The following CFAP61 variants were observed in gnomAD, a reference collection of about 807,000 sequenced individuals.
The protein encoded by CFAP61 is cilia- and flagella-associated protein 61.
In CFAP61, 107 loss-of-function variants were observed where a neutral mutation model predicts 135.6. That is an observed-to-expected ratio of 0.79 (90% CI 0.67 to 0.93). The LOEUF (loss-of-function observed/expected upper bound fraction) is 0.93, where lower values mean the gene tolerates loss of function less well. CFAP61 is among the 40% of genes least tolerant of loss of function. CFAP61 has a pLI of 0.00. For missense variants in CFAP61, 1,507 were observed against 1,556.2 expected (o/e 0.97, Z 0.53); for synonymous variants, 575 against 578.5 (o/e 0.99, Z 0.09).
At chr20:20,235,764 G>T (rs929687855) in intron 18 of CFAP61, among the ~76,000 whole-genome samples, 2 of 152,198 alleles carry the variant, frequency 1.3e-5, no homozygotes, top group African/African-American at 4.8e-5. Flanking sequence ...AGCATTTGAT[G>T]TTGGGTGGAA....
chr20:20,257,641 G>T (rs1390312644), intron 20 of CFAP61, among the ~76,000 whole-genome samples: 1 of 143,782 alleles, frequency 7.0e-6, no homozygotes, highest in Non-Finnish European at 1.5e-5. Context: ...AAAAAAAAAA[G>T]AAAAAGAAAG....
chr20:20,242,594 C>T (rs772955278), intron 18 of CFAP61, among the ~76,000 whole-genome samples: 27 of 152,210 alleles, frequency 1.8e-4, no homozygotes, highest in Non-Finnish European at 3.2e-4. Context: ...CTTACCATTT[C>T]CAACCTTGAT....
Position 20,354,961 on chromosome 20 carries a change from T to C in CFAP61, c.3514-5249T>C, listed in dbSNP as rs2059010624. 1.2e-4 allele frequency among the ~76,000 whole-genome samples: 4 copies of C among 33,588 alleles called. No homozygotes were observed. In the South Asian group the frequency reaches 4.7e-3, roughly 40 times the overall value. 22.0% of individuals were successfully genotyped at this position (33,588 alleles called of 152,430 possible). ...GGGAGGTGGTCACACTGAGGGGAAG[T>C]GGTCACACTGTGAGAGGGGAGGTGG... On this transcript the variant is annotated intron_variant, in intron 26 of 26. Coordinates refer to ENST00000245957, the MANE Select transcript of CFAP61 (RefSeq NM_015585.4).
In CFAP61 at chr20:20,320,385, AAT is replaced by A. The variant is rs1188266103; in HGVS notation, c.3423-21438_3423-21437del. Reference sequence around the variant, plus strand: ...TATGTAATATATATTATATATATGTAATATATATAATATATGTAATATATGTA... The same window carrying A: ...TATGTAATATATATTATATATATGTAATATATAATATATGTAATATATGTA... On this transcript the variant is annotated intron_variant, in intron 25 of 26. Transcript: ENST00000245957. Among the ~76,000 whole-genome samples the A allele has an allele frequency of 2.7e-4, 5 of 18,482 alleles. 1 individual carries two copies. Among genetic ancestry groups the A allele is most frequent in the Admixed American group, 1.9e-3 (3 of 1,556 alleles). The allele number at this position is 18,482 out of a possible 152,430, so 12.1% of individuals were successfully genotyped here.
chr20:20,114,609 TATATTG>T (rs2049015084), intron 8 of CFAP61, among the ~76,000 whole-genome samples: 1 of 152,214 alleles, frequency 6.6e-6, no homozygotes, highest in Admixed American at 6.5e-5. Flanking sequence ...TGGGCTTTTG[TATATTG>T]ATTGACCTTA....
At chr20:20,254,934 G>C (rs2051404657) in intron 20 of CFAP61, among the ~76,000 whole-genome samples, 1 of 152,196 alleles carries the variant, frequency 6.6e-6, no homozygotes, top group African/African-American at 2.4e-5. Context: ...TAAGCATGAG[G>C]AGAGCTGGTC....
chr20:20,189,511 G>A (rs940422962), intron 14 of CFAP61, among the ~76,000 whole-genome samples: 4 of 149,150 alleles, frequency 2.7e-5, no homozygotes, highest in African/African-American at 7.5e-5. Flanking sequence ...TTATGGCATT[G>A]GGTGAAACCA....
At chr20:20,235,032 T>G (rs1164287727) in intron 18 of CFAP61, among the ~76,000 whole-genome samples, 1 of 152,060 alleles carries the variant, frequency 6.6e-6, no homozygotes, top group African/African-American at 2.4e-5. Context: ...GCATTGACTT[T>G]CAAAGGCGGG....
chr20:20,262,873 G>A (rs1438303634), intron 20 of CFAP61, 83 bp from the exon 21 acceptor site: 2 of 690,772 alleles, frequency 2.9e-6, no homozygotes, highest in Admixed American at 2.9e-5. Flanking sequence ...ACTGAATATT[G>A]CTATGTCTAC....
At chr20:20,281,473 G>A in intron 22 of CFAP61, among the ~76,000 whole-genome samples, 1 of 151,932 alleles carries the variant, frequency 6.6e-6, no homozygotes, top group Non-Finnish European at 1.5e-5. Context: ...GTTGAATTTT[G>A]TTAAGTGAAT....
intron 25 of CFAP61, among the ~76,000 whole-genome samples, chr20:20,320,588 A>T (rs1297448985): frequency 7.4e-6 from 1 of 135,450 alleles, no homozygotes; most frequent in East Asian, 2.0e-4. Context: ...ATACATACTG[A>T]AGTGTCTGGA....
chr20:20,360,321 T>C lies in CFAP61; in HGVS notation c.3625T>C (p.Tyr1209His). 6.2e-7 allele frequency: 1 copy of C among 1,613,880 alleles called. No individual in the cohort carries two copies. The highest frequency in any genetic ancestry group is 8.5e-7 in the Non-Finnish European group (1 of 1,179,982). Residue 1209 changes from tyrosine to histidine, a missense_variant, in exon 27 of 27, where the codon TAC becomes CAC. By Grantham distance (83) the Tyr-to-His change is moderately conservative. Coordinates refer to ENST00000245957, the MANE Select transcript of CFAP61 (RefSeq NM_015585.4). ...YLKRVFEESI[Y>H]KTLVERSTLD... ...CAAAAGAGTTTTTGAGGAATCCATCTACAAAACCCTGGTGGAGAGAAGCAC... is the reference window on the plus strand; with the variant it reads ...CAAAAGAGTTTTTGAGGAATCCATCCACAAAACCCTGGTGGAGAGAAGCAC...
intron 17 of CFAP61, among the ~76,000 whole-genome samples, chr20:20,222,977 G>A (rs2048499871): frequency 6.6e-6 from 1 of 152,128 alleles, no homozygotes; most frequent in South Asian, 2.1e-4. Context: ...ATTCCTAATG[G>A]GTTTGAATCT....
At chr20:20,208,734 T>A (rs574625985) in intron 17 of CFAP61, among the ~76,000 whole-genome samples, 1 of 152,256 alleles carries the variant, frequency 6.6e-6, no homozygotes, top group African/African-American at 2.4e-5. Flanking sequence ...CCCCTGGAGG[T>A]GCCCCATAGG....
chr20:20,143,041 C>A, intron 9 of CFAP61, 93 bp downstream of exon 9: 1 of 736,466 alleles, frequency 1.4e-6, no homozygotes, highest in Non-Finnish European at 2.3e-6. Context: ...GGCGTCACTA[C>A]GGAGAAGTTC....
At chr20:20,072,916 G>T (rs908130105) in intron 3 of CFAP61, among the ~76,000 whole-genome samples, 1 of 152,138 alleles carries the variant, frequency 6.6e-6, no homozygotes, top group Admixed American at 6.5e-5. Context: ...TAATTCACCT[G>T]TTTATCTTTA....
At chr20:20,204,237 T>C (rs1271984018) in intron 17 of CFAP61, among the ~76,000 whole-genome samples, 1 of 152,220 alleles carries the variant, frequency 6.6e-6, no homozygotes, top group Non-Finnish European at 1.5e-5. Flanking sequence ...TGTTTTTTTC[T>C]GGTTGCTTAT....
At chr20:20,300,586 T>C (rs1490854272) in intron 25 of CFAP61, among the ~76,000 whole-genome samples, 1 of 152,020 alleles carries the variant, frequency 6.6e-6, no homozygotes, top group Admixed American at 6.6e-5. Context: ...AATGTGCTTA[T>C]GGGGTTCTTT....
intron 8 of CFAP61, among the ~76,000 whole-genome samples, chr20:20,116,542 T>G (rs907417436): frequency 6.6e-6 from 1 of 152,192 alleles, no homozygotes; most frequent in East Asian, 1.9e-4. Flanking sequence ...CAATGTTTTC[T>G]TCTAGTAGTT....
Sources: allele counts gnomAD v4.1 joint callset (sites outside exome capture counted in the v4.1 genomes callset), GRCh38; gene constraint gnomAD v4.1.1; transcripts MANE v1.5; gene names NCBI Gene and HGNC (gene_info 2026-07-23, HGNC 2026-07-21).